The following CLTRN variants were observed in gnomAD, a reference collection of about 807,000 sequenced individuals.
CLTRN encodes the protein collectrin.
A neutral mutation model predicts 14.5 loss-of-function variants in CLTRN; 12 were observed. The ratio of observed to expected loss-of-function variants is 0.83; its 90% CI spans 0.53 to 1.34. CLTRN has a LOEUF of 1.34. Ranked by LOEUF, CLTRN falls within the 40% of genes most tolerant of loss-of-function variation. The pLI, the probability that CLTRN is intolerant of heterozygous loss-of-function variation, is 0.00. For missense variants in CLTRN, 154 were observed against 165.1 expected (o/e 0.93, Z 0.37); for synonymous variants, 58 against 56.5 (o/e 1.03, Z -0.12).
At chrX:15,636,590 C>T (rs965342308) in intron 5 of CLTRN, among the ~76,000 whole-genome samples, 9 of 111,415 alleles carry the variant, frequency 8.1e-5, no homozygotes, top group African/African-American at 2.9e-4. Flanking sequence ...TAAAATAAAA[C>T]AAGCATTTAA....
intron 3 of CLTRN, among the ~76,000 whole-genome samples, chrX:15,657,002 T>A: frequency 9.9e-6 from 1 of 101,088 alleles, no homozygotes; most frequent in African/African-American, 3.5e-5. Context: ...GTGTACCCAA[T>A]TTTTTTTTTT....
At chrX:15,670,350 CAA>C (rs1491210981) in intron 1 of CLTRN, among the ~76,000 whole-genome samples, 38 of 107,420 alleles carry the variant, frequency 3.5e-4, no homozygotes, top group East Asian at 2.3e-3. Flanking sequence ...CACACACACA[CAA>C]ACCCCTTTGG....
intron 3 of CLTRN, among the ~76,000 whole-genome samples, chrX:15,658,674 A>G (rs1929428983): frequency 9.2e-6 from 1 of 108,230 alleles, no homozygotes; most frequent in African/African-American, 3.4e-5. Context: ...TTTTCAAAAT[A>G]AGAGTAAAAT....
chrX:15,645,455 C>T (rs187485198), intron 3 of CLTRN, among the ~76,000 whole-genome samples: 1 of 111,549 alleles, frequency 9.0e-6, no homozygotes, highest in Non-Finnish European at 1.9e-5. Context: ...CTGCTGCCCC[C>T]TCATGATTCA....
chrX:15,638,638 A>C (rs1472172247), intron 5 of CLTRN, among the ~76,000 whole-genome samples: 1 of 111,887 alleles, frequency 8.9e-6, no homozygotes, highest in Non-Finnish European at 1.9e-5. Flanking sequence ...AGTCTAGTGA[A>C]AAGCTGAGGA....
chrX:15,639,964 C>T (rs1051636188), intron 4 of CLTRN, among the ~76,000 whole-genome samples: 1 of 112,120 alleles, frequency 8.9e-6, no homozygotes, highest in African/African-American at 3.2e-5. Flanking sequence ...CAGAGGGATA[C>T]CCATGTATCC....
chrX:15,638,133 T>C (rs1005598900), intron 5 of CLTRN, among the ~76,000 whole-genome samples: 2 of 112,278 alleles, frequency 1.8e-5, no homozygotes, highest in Admixed American at 9.4e-5. Context: ...ATCTCAAGAT[T>C]AATACAAAAC....
chrX:15,660,668 G>A (rs931677184), intron 2 of CLTRN, among the ~76,000 whole-genome samples: 13 of 108,238 alleles, frequency 1.2e-4, no homozygotes, highest in Admixed American at 3.0e-4. Flanking sequence ...TCAGCCAGGC[G>A]TGGTGGCATG....
intron 2 of CLTRN, among the ~76,000 whole-genome samples, chrX:15,663,206 T>C (rs1417786581): frequency 8.9e-6 from 1 of 112,020 alleles, no homozygotes; most frequent in South Asian, 3.7e-4. Flanking sequence ...CCAATTCTAC[T>C]ACTACTATAA....
At position 15,659,763 on chromosome X, in the gene CLTRN, T is replaced by C. The variant is rs755512056; in HGVS notation, c.118-662A>G. On this transcript the variant is annotated intron_variant, in intron 2 of 5. Transcript: ENST00000380342. ...CACAGGGAGAAGACAGCCATCTACA[T>C]ACAGGCCAAAGAGAGAGGCCTGGAA... Among the ~76,000 whole-genome samples, 51 of 111,224 alleles carry C rather than the reference T, an allele frequency of 4.6e-4. 1 individual carries two copies. Among genetic ancestry groups the C allele is most frequent in the Admixed American group, 4.8e-4 (5 of 10,434 alleles).
chrX:15,670,879 AGTGTGTGTGTGT>A (rs543420208), intron 1 of CLTRN, among the ~76,000 whole-genome samples: 6,631 of 84,960 alleles, frequency 0.078, 211 homozygotes, highest in East Asian at 0.13. Flanking sequence ...AAGGGAGACA[AGTGTGTGTGTGT>A]GTGTGTGTGT....
At chrX:15,649,446 T>C (rs1265038503) in intron 3 of CLTRN, among the ~76,000 whole-genome samples, 1 of 112,435 alleles carries the variant, frequency 8.9e-6, no homozygotes, top group Non-Finnish European at 1.9e-5. Flanking sequence ...ACAGTTATTG[T>C]TAGATAGAAA....
chrX:15,651,228 T>TAA (rs752336543), intron 3 of CLTRN, among the ~76,000 whole-genome samples: 2 of 111,662 alleles, frequency 1.8e-5, no homozygotes, highest in Non-Finnish European at 3.8e-5. Flanking sequence ...AACTATTTAC[T>TAA]AAGAGCTAAC....
chrX:15,674,732 G>T (rs1395598822), intron 1 of CLTRN, among the ~76,000 whole-genome samples: 1 of 113,012 alleles, frequency 8.8e-6, no homozygotes, highest in East Asian at 2.8e-4. Context: ...CACCTCCGTG[G>T]CTTCCCGGGA....
At chrX:15,641,432 G>A (rs1313760860) in intron 4 of CLTRN, among the ~76,000 whole-genome samples, 3 of 112,035 alleles carry the variant, frequency 2.7e-5, no homozygotes, top group African/African-American at 9.7e-5. Context: ...TTTTAATAAT[G>A]TATTTTTTGT....
At chrX:15,650,810 A>C (rs1481579422) in intron 3 of CLTRN, among the ~76,000 whole-genome samples, 1 of 112,188 alleles carries the variant, frequency 8.9e-6, no homozygotes, top group African/African-American at 3.2e-5. Flanking sequence ...TGAACTAAGA[A>C]TTAATAAGCC....
In CLTRN at chrX:15,655,160, C is replaced by G. The variant is rs185043657; in HGVS notation, c.203+3856G>C. On this transcript the variant is annotated intron_variant, in intron 3 of 5. Coordinates refer to ENST00000380342, the MANE Select transcript of CLTRN (RefSeq NM_020665.6). ...AGCCATTTCCTCCGGGCTCCACTCC[C>G]TACTCCCTCCCTGCCTGTGCTCCCC... Among the ~76,000 whole-genome samples the G allele has an allele frequency of 7.3e-4, 82 of 112,061 alleles. 1 individual carries two copies. The East Asian group carries it at 0.022, about 30-fold the overall frequency.
intron 3 of CLTRN, 78 bp from the exon 4 acceptor site, chrX:15,645,107 T>C (rs1929032531): frequency 5.4e-6 from 3 of 560,207 alleles, no homozygotes; most frequent in South Asian, 7.9e-5. Flanking sequence ...CTGATGCTAC[T>C]ACTATCTTAA....
At chrX:15,634,438 A>G (rs1156694615) in intron 5 of CLTRN, among the ~76,000 whole-genome samples, 9 of 109,593 alleles carry the variant, frequency 8.2e-5, no homozygotes, top group Non-Finnish European at 1.3e-4. Flanking sequence ...CACATTATCA[A>G]CTTCATCACC....
Sources: gnomAD v4.1 joint callset for allele counts (sites outside exome capture counted in the v4.1 genomes callset) on GRCh38, gnomAD v4.1.1 for gene constraint, MANE v1.5 for transcripts, NCBI Gene and HGNC (gene_info 2026-07-23, HGNC 2026-07-21) for gene names.